SYT14: variants seen among roughly 807,000 people sequenced by gnomAD.
The protein encoded by SYT14 is synaptotagmin-14.
In SYT14, 32 loss-of-function variants were observed where a neutral mutation model predicts 74.2. That is an observed-to-expected ratio of 0.43 (90% CI 0.33 to 0.58). SYT14 has a LOEUF of 0.58. Among genes scored for constraint, SYT14 ranks in the 20% least tolerant of loss-of-function variants. SYT14 has a pLI of 0.05. For synonymous variants in SYT14, 298 were observed against 337.7 expected, an observed-to-expected ratio of 0.88 and a Z score of 1.29; for missense variants, 791 against 981.8, an observed-to-expected ratio of 0.81 and a Z score of 2.60.
intron 7 of SYT14, among the ~76,000 whole-genome samples, chr1:210,106,479 A>T (rs911431219): frequency 2.0e-5 from 3 of 152,184 alleles, no homozygotes; most frequent in African/African-American, 7.2e-5. Flanking sequence ...TAATTGACTC[A>T]CAGTTCCACA....
intron 5 of SYT14, among the ~76,000 whole-genome samples, chr1:210,055,036 A>C (rs993182184): frequency 2.0e-5 from 3 of 152,118 alleles, no homozygotes; most frequent in Non-Finnish European, 4.4e-5. Context: ...CTTCTTACCC[A>C]CTACCTTCTA....
At position 209,987,641 on chromosome 1, in the gene SYT14, A is replaced by G. The variant is rs2079594613; in HGVS notation, c.-485-25992A>G. Among the ~76,000 whole-genome samples, 9 of 152,354 alleles carry G rather than the reference A, an allele frequency of 5.9e-5. 2 individuals are homozygous for G. The South Asian group carries it at 1.9e-3, about 32-fold the overall frequency. On this transcript the variant is annotated intron_variant, in intron 2 of 9. Transcript: ENST00000637265. ...ACATTTCAATATGAGATTTGGGTGG[A>G]GACAAATATCCAAACTATATCCTTT... is the stretch of plus-strand genomic sequence containing the variant.
At chr1:209,974,982 T>C (rs2079331057) in intron 2 of SYT14, among the ~76,000 whole-genome samples, 1 of 152,222 alleles carries the variant, frequency 6.6e-6, no homozygotes, top group Non-Finnish European at 1.5e-5. Context: ...CAATTGTGAA[T>C]GGGAGTTCAC....
intron 2 of SYT14, among the ~76,000 whole-genome samples, chr1:209,990,550 T>TATATATATATATATAC (rs1553262377): frequency 1.2e-3 from 1 of 806 alleles, no homozygotes; most frequent in Non-Finnish European, 3.1e-3. Context: ...TATATATATG[T>TATATATATATATATAC]ATATATATAC....
At chr1:210,160,575 A>C (rs1382781503) in intron 9 of SYT14, among the ~76,000 whole-genome samples, 154 bp from the exon 9 acceptor site, 3 of 152,194 alleles carry the variant, frequency 2.0e-5, no homozygotes, top group South Asian at 2.1e-4. Context: ...TATTATAAGC[A>C]TCTACATCAA....
At chr1:210,025,381 C>G (rs1352456833) in intron 5 of SYT14, among the ~76,000 whole-genome samples, 1 of 152,168 alleles carries the variant, frequency 6.6e-6, no homozygotes, top group African/African-American at 2.4e-5. Context: ...TGCTGTGACC[C>G]TTTGGTCTGC....
At position 210,021,041 on chromosome 1, in the gene SYT14, A is replaced by AATTC; in HGVS notation, c.1100_1103dup (p.Tyr369PhefsTer7). Reference sequence around the variant, plus strand: ...GTTCTTCATGTCATTCCAAATAGATAATTCCTACATGGACAAAGATGAGCA... The same window carrying AATTC: ...GTTCTTCATGTCATTCCAAATAGATAATTCATTCCTACATGGACAAAGATGAGCA... On this transcript the variant is annotated frameshift_variant, in exon 5 of 10. Transcript: ENST00000637265. LOFTEE classifies it high-confidence loss of function. 6.2e-7 allele frequency: 1 copy of AATTC among 1,613,824 alleles called. No homozygotes were observed. Among genetic ancestry groups the AATTC allele is most frequent in the Non-Finnish European group, 8.5e-7 (1 of 1,179,784 alleles).
At chr1:209,944,455 C>G (rs759567216) in intron 1 of SYT14, among the ~76,000 whole-genome samples, 19 of 152,124 alleles carry the variant, frequency 1.2e-4, no homozygotes, top group Non-Finnish European at 2.6e-4. Flanking sequence ...TTATGTGGAT[C>G]AAATGAGATA....
chr1:209,952,354 T>A (rs898202873), intron 1 of SYT14, among the ~76,000 whole-genome samples: 3 of 152,176 alleles, frequency 2.0e-5, no homozygotes, highest in Admixed American at 2.0e-4. Context: ...TTAACCTGTG[T>A]ATGTTAAGGC....
intron 2 of SYT14, among the ~76,000 whole-genome samples, chr1:209,962,109 TTTTC>T (rs912866841): frequency 8.5e-5 from 13 of 152,082 alleles, no homozygotes; most frequent in Admixed American, 1.3e-4. Flanking sequence ...ATTGTCTTAC[TTTTC>T]TTTCTTTCTT....
At chr1:210,051,026 G>A (rs1156988049) in intron 5 of SYT14, among the ~76,000 whole-genome samples, 1 of 152,076 alleles carries the variant, frequency 6.6e-6, no homozygotes, top group Non-Finnish European at 1.5e-5. Flanking sequence ...ATTTCATCTA[G>A]GCTCTTTTAG....
At chr1:210,011,189 G>A (rs2080079819) in intron 2 of SYT14, among the ~76,000 whole-genome samples, 1 of 152,122 alleles carries the variant, frequency 6.6e-6, no homozygotes, top group Admixed American at 6.5e-5. Flanking sequence ...ATATTGAAGT[G>A]CTACTCTTTT....
At chr1:210,054,504 CTTTTT>C (rs755658381) in intron 5 of SYT14, among the ~76,000 whole-genome samples, 3 of 151,846 alleles carry the variant, frequency 2.0e-5, no homozygotes, top group African/African-American at 4.8e-5. Context: ...ATTACATTTT[CTTTTT>C]TTTAAGTCTC....
At chr1:210,043,157 G>A (rs868654472) in intron 5 of SYT14, among the ~76,000 whole-genome samples, 1 of 151,996 alleles carries the variant, frequency 6.6e-6, no homozygotes, top group African/African-American at 2.4e-5. Context: ...CTCTGCAGGG[G>A]CAGATTGTAG....
chr1:210,009,729 CTG>C (rs2080051746), intron 2 of SYT14, among the ~76,000 whole-genome samples: 1 of 152,112 alleles, frequency 6.6e-6, no homozygotes, highest in African/African-American at 2.4e-5. Context: ...ATATTTCCCT[CTG>C]TGAAATATTC....
intron 5 of SYT14, among the ~76,000 whole-genome samples, chr1:210,073,584 A>G (rs941079678): frequency 2.0e-5 from 3 of 152,194 alleles, no homozygotes; most frequent in South Asian, 2.1e-4. Context: ...ATTAGTTCTC[A>G]TTCTTGCCTT....
intron 2 of SYT14, among the ~76,000 whole-genome samples, chr1:209,958,738 G>T (rs543653765): frequency 6.6e-6 from 1 of 152,252 alleles, no homozygotes; most frequent in Admixed American, 6.5e-5. Flanking sequence ...GATATTTTGG[G>T]TTTTCTCAGT....
intron 7 of SYT14, among the ~76,000 whole-genome samples, chr1:210,121,807 A>G (rs570254033): frequency 6.6e-6 from 1 of 151,698 alleles, no homozygotes; most frequent in African/African-American, 2.4e-5. Flanking sequence ...AAAAAAAAAA[A>G]GAAGAAAGAA....
intron 5 of SYT14, among the ~76,000 whole-genome samples, chr1:210,021,595 T>G (rs2080305361): frequency 6.6e-6 from 1 of 152,238 alleles, no homozygotes; most frequent in South Asian, 2.1e-4. Context: ...TTATAGGAAC[T>G]GATAGAGTTT....
Sources: allele counts gnomAD v4.1 joint callset (sites outside exome capture counted in the v4.1 genomes callset), GRCh38; gene constraint gnomAD v4.1.1; transcripts MANE v1.5; gene names NCBI Gene and HGNC (gene_info 2026-07-23, HGNC 2026-07-21).